SLC25A29: variants seen among roughly 807,000 people sequenced by gnomAD.
SLC25A29 encodes mitochondrial basic amino acids transporter.
A neutral mutation model predicts 10.0 loss-of-function variants in SLC25A29; 13 were observed. The observed-to-expected ratio is 1.30, with a 90% CI of 0.85 to 2.07. SLC25A29 has a LOEUF of 2.07. Ranked by LOEUF, SLC25A29 falls within the 30% of genes most tolerant of loss-of-function variation. The probability of loss-of-function intolerance (pLI) is 0.00; values close to 1 mark genes in which losing one functional copy is unlikely to be tolerated. For synonymous variants in SLC25A29, 244 were observed against 221.1 expected (o/e 1.10, Z -0.92); for missense variants, 475 against 447.6 (o/e 1.06, Z -0.55).
chr14:100,286,473 G>GC (rs1018038089), downstream of SLC25A29, among the ~76,000 whole-genome samples: 20 of 141,720 alleles, frequency 1.4e-4, no homozygotes, highest in South Asian at 2.6e-4. Context: ...GCATGGCTGG[G>GC]GGGGGGGGTG....
the SLC25A29 span, among the ~76,000 whole-genome samples, chr14:100,285,609 C>T: frequency 6.6e-6 from 1 of 152,056 alleles, no homozygotes; most frequent in Non-Finnish European, 1.5e-5. Context: ...GGAGTGAGCC[C>T]AGGGCCACGG....
Position 100,292,249 on chromosome 14 carries a change from G to A in SLC25A29, c.*34C>T, listed in dbSNP as rs1891752637. The A allele has an allele frequency of 2.0e-6, 3 of 1,531,044 alleles. No homozygotes were observed. Among genetic ancestry groups the A allele is most frequent in the Admixed American group, 2.0e-5 (1 of 50,934 alleles). The allele number at this position is 1,531,044 out of a possible 1,614,324, so 94.8% of individuals were successfully genotyped here. On this transcript the variant is annotated 3_prime_UTR_variant, in exon 4 of 4. Coordinates refer to ENST00000359232, the MANE Select transcript of SLC25A29 (RefSeq NM_001039355.3). ...GCCAATTTATGTCCCAGGTTTCTGA[G>A]AAGGAGCCCTGGGGAAGGAGGGCGG... is the stretch of plus-strand genomic sequence containing the variant.
chr14:100,305,700 G>C (rs1385426875), intron 1 of SLC25A29: 1 of 149,780 alleles, frequency 6.7e-6, no homozygotes, highest in East Asian at 2.0e-4. Context: ...GGCGTGACTC[G>C]GCGCCAGAGT....
intron 2 of SLC25A29, chr14:100,298,525 T>G: frequency 2.2e-6 from 1 of 451,952 alleles, no homozygotes. Flanking sequence ...TCTCTGAACT[T>G]TTCTTTCTTT....
chr14:100,287,516 C>G (rs1891566939), downstream of SLC25A29, among the ~76,000 whole-genome samples: 1 of 152,146 alleles, frequency 6.6e-6, no homozygotes, highest in African/African-American at 2.4e-5. Context: ...GGAGTTCAGA[C>G]TCTAGCTCCT....
intron 2 of SLC25A29, chr14:100,294,759 T>C (rs1892022021): frequency 6.6e-6 from 1 of 152,216 alleles, no homozygotes; most frequent in Non-Finnish European, 1.5e-5. Flanking sequence ...TCCACCAGAA[T>C]AGGTGGGCCC....
chr14:100,292,492 C>T lies in SLC25A29; in HGVS notation c.703G>A (p.Val235Met), dbSNP rs746172860. 2 of 1,587,366 alleles carry T rather than the reference C, an allele frequency of 1.3e-6. No individual in the cohort carries two copies. Among genetic ancestry groups the T allele is most frequent in the Non-Finnish European group, 1.7e-6 (2 of 1,168,680 alleles). Residue 235 changes from valine to methionine, a missense_variant, in exon 4 of 4, where the codon GTG becomes ATG. Physicochemically the swap from Val to Met is conservative, Grantham distance 21. Transcript: ENST00000359232. ...CCCTCGGCGCGGTAGCTCTGGTGCA[C>T]GCAGTCCAGGATGCCGCGGTAGCGC... ...APRYRGILDCVHQSYRAEGWR... is the reference protein window; with the variant it reads ...APRYRGILDCMHQSYRAEGWR...
At chr14:100,298,708 G>T in intron 2 of SLC25A29, 134 bp downstream of exon 2, 2 of 1,117,136 alleles carry the variant, frequency 1.8e-6, no homozygotes, top group Non-Finnish European at 2.7e-6. Flanking sequence ...CAGTGAGGAA[G>T]GTTCAACCCG....
chr14:100,298,911 A>G (rs1892354844), intron 1 of SLC25A29, 26 bp from the exon 2 acceptor site: 1 of 1,613,998 alleles, frequency 6.2e-7, no homozygotes, highest in African/African-American at 1.3e-5. Flanking sequence ...GGGACTTGTG[A>G]CCCACATACC....
chr14:100,280,208 TTATA>T, the SLC25A29 span: 1 of 152,204 alleles, frequency 6.6e-6, no homozygotes, highest in Admixed American at 6.5e-5. Flanking sequence ...TGGTTAGAAT[TTATA>T]ATTTTGCTAA....
chr14:100,292,551 G>C lies in SLC25A29; in HGVS notation c.644C>G (p.Ser215Trp). 6.2e-7 allele frequency: 1 copy of C among 1,600,748 alleles called. No individual in the cohort carries two copies. The highest frequency in any genetic ancestry group is 8.5e-7 in the Non-Finnish European group (1 of 1,174,612). ...CCGCAGTCCGTCCGCCTGCAGCCGC[G>C]ACTTGACCACGTCCACAGGATAGGT... The part of the protein sequence containing the change: ...LSTYPVDVVK[S>W]RLQADGLRGA... Residue 215 changes from serine (S) to tryptophan (W), a missense_variant, in exon 4 of 4, where the codon TCG becomes TGG. By Grantham distance (177) the Ser-to-Trp change is radical. Transcript: ENST00000359232.
intron 2 of SLC25A29, chr14:100,296,482 T>G (rs1566801457): frequency 5.9e-6 from 1 of 168,842 alleles, no homozygotes; most frequent in Non-Finnish European, 1.3e-5. Context: ...GAGGGAGGAG[T>G]TGATAGGAGC....
Position 100,303,813 on chromosome 14 carries a change from C to A in SLC25A29, c.34+2386G>T, listed in dbSNP as rs1595374120. Among the ~76,000 whole-genome samples, 3 of 152,166 alleles carry A rather than the reference C, an allele frequency of 2.0e-5. No homozygotes were observed. In the East Asian group the frequency reaches 5.8e-4, roughly 29 times the overall value. On this transcript the variant is annotated intron_variant, in intron 1 of 3. Transcript: ENST00000359232. The stretch of plus-strand genomic sequence containing the variant: ...GGGCGGGGTGGGGAGGAACCACTGT[C>A]CTGGGGATGGCTGGTAGCAGAGGTA...
Position 100,298,614 on chromosome 14 carries a change from G to A in SLC25A29, c.78+228C>T, listed in dbSNP as rs116873573. On this transcript the variant is annotated intron_variant, in intron 2 of 3. Coordinates refer to ENST00000359232, the MANE Select transcript of SLC25A29 (RefSeq NM_001039355.3). ...GGGTGGGAGAAAACCTCAGCACCTC[G>A]GTTCCAGCTGGCCAAGCCCAGGATG... 1,180 of 600,180 alleles carry A rather than the reference G, an allele frequency of 2.0e-3. 2 individuals are homozygous for A. Among genetic ancestry groups the A allele is most frequent in the Non-Finnish European group, 2.2e-3 (752 of 336,384 alleles). The allele number at this position is 600,180 out of a possible 1,614,324, so 37.2% of individuals were successfully genotyped here. A position where few individuals can be genotyped will look rare whatever the true frequency, so the allele number is the denominator to read the frequency against.
chr14:100,303,375 G>A (rs551963682), intron 1 of SLC25A29, among the ~76,000 whole-genome samples: 4 of 152,300 alleles, frequency 2.6e-5, no homozygotes, highest in African/African-American at 9.6e-5. Flanking sequence ...GCATGGTCAC[G>A]CCTCTGGCCC....
chr14:100,294,904 T>A (rs1248515786), intron 2 of SLC25A29: 1 of 152,178 alleles, frequency 6.6e-6, no homozygotes, highest in African/African-American at 2.4e-5. Flanking sequence ...GAGGCCCAGT[T>A]CTTGGCCAAC....
intron 2 of SLC25A29, chr14:100,295,481 A>G: frequency 1.0e-6 from 1 of 972,226 alleles, no homozygotes; most frequent in Non-Finnish European, 1.3e-6. Context: ...GGCCAGCCCG[A>G]GCCCCCACCC....
chr14:100,287,606 G>A (rs759638608), downstream of SLC25A29, among the ~76,000 whole-genome samples: 81 of 132,480 alleles, frequency 6.1e-4, no homozygotes, highest in African/African-American at 2.0e-3. Flanking sequence ...CAGTGGTCTC[G>A]CCCACCTGCC....
intron 2 of SLC25A29, chr14:100,295,668 T>G: frequency 7.8e-7 from 1 of 1,289,524 alleles, no homozygotes; most frequent in South Asian, 1.2e-5. Context: ...TACAACAAAG[T>G]TACACTTTTG....
Sources: allele counts gnomAD v4.1 joint callset (sites outside exome capture counted in the v4.1 genomes callset), GRCh38; gene constraint gnomAD v4.1.1; transcripts MANE v1.5; gene names NCBI Gene and HGNC (gene_info 2026-07-23, HGNC 2026-07-21).